Variants in CDH12 observed in about 807,000 individuals in gnomAD.
The protein encoded by CDH12 is cadherin 12.
A neutral mutation model predicts 74.1 loss-of-function variants in CDH12; 41 were observed. The observed-to-expected ratio is 0.55, with a 90% CI of 0.43 to 0.72. The LOEUF is 0.72. Among genes scored for constraint, CDH12 ranks in the 30% least tolerant of loss-of-function variants. The pLI is 0.00. For missense variants in CDH12, 945 were observed against 977.2 expected (o/e 0.97, Z 0.44); for synonymous variants, 399 against 355.0 (o/e 1.12, Z -1.39).
intron 1 of CDH12, among the ~76,000 whole-genome samples, chr5:22,613,481 C>A (rs1737521007): frequency 6.6e-6 from 1 of 151,968 alleles, no homozygotes; most frequent in African/African-American, 2.4e-5. Flanking sequence ...TTCAAGTGCC[C>A]TGACAAAGTT....
At chr5:22,360,766 C>G (rs150810872) in intron 3 of CDH12, among the ~76,000 whole-genome samples, 1 of 152,118 alleles carries the variant, frequency 6.6e-6, no homozygotes, top group Non-Finnish European at 1.5e-5. Flanking sequence ...GGATGCAAGG[C>G]TGGTTCAACA....
intron 4 of CDH12, among the ~76,000 whole-genome samples, chr5:22,091,323 G>T (rs916995185): frequency 6.7e-6 from 1 of 149,348 alleles, no homozygotes; most frequent in Non-Finnish European, 1.5e-5. Context: ...GAAACAGAGG[G>T]AGAGTGTTAG....
At chr5:22,636,956 T>C (rs977693579) in intron 1 of CDH12, among the ~76,000 whole-genome samples, 1 of 152,154 alleles carries the variant, frequency 6.6e-6, no homozygotes, top group African/African-American at 2.4e-5. Context: ...ATCGGTTTTA[T>C]TTAGGCTGTT....
chr5:22,750,300 T>G (rs535704341), intron 1 of CDH12, among the ~76,000 whole-genome samples: 1 of 152,256 alleles, frequency 6.6e-6, no homozygotes, highest in East Asian at 1.9e-4. Flanking sequence ...TTGAATATCA[T>G]GTTGAGAAAA....
intron 3 of CDH12, among the ~76,000 whole-genome samples, chr5:22,359,336 C>T (rs1006511079): frequency 2.6e-5 from 4 of 152,068 alleles, no homozygotes; most frequent in East Asian, 3.9e-4. Context: ...ACAAAGAAGG[C>T]CATTACATAA....
At chr5:22,245,955 C>T (rs1384291897) in intron 3 of CDH12, among the ~76,000 whole-genome samples, 5 of 152,078 alleles carry the variant, frequency 3.3e-5, no homozygotes, top group African/African-American at 1.2e-4. Context: ...TATGCAACTT[C>T]CCTCTGGTGC....
At chr5:21,880,676 TTTC>T (rs1172478217) in intron 6 of CDH12, among the ~76,000 whole-genome samples, 1 of 138,092 alleles carries the variant, frequency 7.2e-6, no homozygotes, top group Non-Finnish European at 1.6e-5. Context: ...TCTTTCTTTC[TTTC>T]TTTCTTTCTT....
intron 5 of CDH12, among the ~76,000 whole-genome samples, chr5:22,004,148 G>A (rs6452042): frequency 0.35 from 53,843 of 151,920 alleles, 11,426 homozygotes; most frequent in Non-Finnish European, 0.46. Flanking sequence ...TTTCTCTTCC[G>A]TTCTTCTAAA....
chr5:22,653,132 C>A (rs1304538692), intron 1 of CDH12, among the ~76,000 whole-genome samples: 1 of 152,056 alleles, frequency 6.6e-6, no homozygotes, highest in East Asian at 1.9e-4. Context: ...TAATAAGTAG[C>A]ATTGTCATAA....
chr5:22,181,825 C>G (rs1749661771), intron 4 of CDH12, among the ~76,000 whole-genome samples: 1 of 152,128 alleles, frequency 6.6e-6, no homozygotes, highest in African/African-American at 2.4e-5. Flanking sequence ...TTTGATTCCT[C>G]TCTGCCCCAT....
At chr5:22,417,733 T>C (rs1015303794) in intron 2 of CDH12, among the ~76,000 whole-genome samples, 3 of 152,214 alleles carry the variant, frequency 2.0e-5, no homozygotes, top group African/African-American at 7.2e-5. Flanking sequence ...GGTTGAAATA[T>C]ATAAAGAAAA....
chr5:22,333,661 C>A (rs1408062046), intron 3 of CDH12, among the ~76,000 whole-genome samples: 1 of 152,022 alleles, frequency 6.6e-6, no homozygotes, highest in Non-Finnish European at 1.5e-5. Context: ...GATCCCCAAA[C>A]TAGAAAAAGA....
chr5:22,605,702 G>A (rs1253807502), intron 1 of CDH12, among the ~76,000 whole-genome samples: 1 of 152,256 alleles, frequency 6.6e-6, no homozygotes, highest in Admixed American at 6.5e-5. Flanking sequence ...CCTTGCCTGT[G>A]TAGGGGAAAG....
At chr5:22,265,053 C>A (rs745821724) in intron 3 of CDH12, among the ~76,000 whole-genome samples, 1 of 152,160 alleles carries the variant, frequency 6.6e-6, no homozygotes, top group Non-Finnish European at 1.5e-5. Context: ...AGTTTCTTAG[C>A]TACTTGAGAA....
At chr5:22,355,547 T>G (rs1425597516) in intron 3 of CDH12, among the ~76,000 whole-genome samples, 2 of 149,980 alleles carry the variant, frequency 1.3e-5, no homozygotes, top group African/African-American at 4.9e-5. Context: ...TATATAAAAC[T>G]ATCTTACATG....
At chr5:22,421,559 T>C (rs1743653888) in intron 2 of CDH12, among the ~76,000 whole-genome samples, 1 of 152,142 alleles carries the variant, frequency 6.6e-6, no homozygotes, top group Non-Finnish European at 1.5e-5. Flanking sequence ...GGTGTATATG[T>C]GCCATCTTTT....
chr5:21,978,247 T>C (rs899763495), intron 5 of CDH12, among the ~76,000 whole-genome samples: 22 of 152,122 alleles, frequency 1.4e-4, no homozygotes, highest in Admixed American at 1.4e-3. Flanking sequence ...GTTCAAGCAA[T>C]TCTCCTGCCT....
intron 1 of CDH12, among the ~76,000 whole-genome samples, chr5:22,783,105 T>G (rs929456336): frequency 1.3e-5 from 2 of 152,134 alleles, no homozygotes; most frequent in Non-Finnish European, 2.9e-5. Context: ...TTTTGGTAAT[T>G]TCAATATCAT....
chr5:22,705,128 T>TACACACACAC (rs1467369851), intron 1 of CDH12, among the ~76,000 whole-genome samples: 1 of 86,414 alleles, frequency 1.2e-5, no homozygotes, highest in South Asian at 3.1e-4. Flanking sequence ...TATATATATA[T>TACACACACAC]ATACACACAC....
Sources: allele counts gnomAD v4.1 joint callset (sites outside exome capture counted in the v4.1 genomes callset), GRCh38; gene constraint gnomAD v4.1.1; transcripts MANE v1.5; gene names NCBI Gene and HGNC (gene_info 2026-07-23, HGNC 2026-07-21).